Variants in RFX3 observed in about 807,000 individuals in gnomAD.
RFX3 encodes the protein regulatory factor X3.
A neutral mutation model predicts 98.6 loss-of-function variants in RFX3; 14 were observed. The observed-to-expected ratio is 0.14, with a 90% CI of 0.09 to 0.22. RFX3 has a LOEUF of 0.22. Among genes scored for constraint, RFX3 ranks in the 10% least tolerant of loss-of-function variants. RFX3 has a pLI of 1.00. For missense variants in RFX3, 639 were observed against 926.9 expected (o/e 0.69, Z 4.03); for synonymous variants, 383 against 328.4 (o/e 1.17, Z -1.80).
At chr9:3,467,473 A>G (rs1848414622) in intron 1 of RFX3, among the ~76,000 whole-genome samples, 1 of 151,846 alleles carries the variant, frequency 6.6e-6, no homozygotes. Flanking sequence ...TAAAACCTAC[A>G]TAAAGATAAA....
chr9:3,413,418 A>C (rs1172685912), intron 1 of RFX3, among the ~76,000 whole-genome samples: 1 of 152,114 alleles, frequency 6.6e-6, no homozygotes, highest in Non-Finnish European at 1.5e-5. Flanking sequence ...TTTTAGGAAC[A>C]TCATACTATA....
intron 1 of RFX3, among the ~76,000 whole-genome samples, chr9:3,415,600 C>T (rs1020304827): frequency 1.3e-5 from 2 of 152,266 alleles, no homozygotes; most frequent in African/African-American, 2.4e-5. Context: ...TCTTTCTTCT[C>T]TCCTCAACAA....
At chr9:3,522,883 A>T (rs911295965) in intron 1 of RFX3, among the ~76,000 whole-genome samples, 15 of 152,206 alleles carry the variant, frequency 9.9e-5, no homozygotes, top group Non-Finnish European at 1.2e-4. Context: ...TTTAGGGTAA[A>T]ATAAACTGTT....
chr9:3,359,368 T>C (rs1358125219), intron 2 of RFX3, among the ~76,000 whole-genome samples: 1 of 152,118 alleles, frequency 6.6e-6, no homozygotes, highest in Non-Finnish European at 1.5e-5. Context: ...GTTGTTATTG[T>C]TGCTGTTTAG....
chr9:3,283,971 A>C (rs1586874250), intron 7 of RFX3, among the ~76,000 whole-genome samples: 1 of 151,788 alleles, frequency 6.6e-6, no homozygotes, highest in East Asian at 1.9e-4. Flanking sequence ...TTTAACCTTT[A>C]TGGACTTCGG....
chr9:3,512,673 A>G (rs976999266), intron 1 of RFX3, among the ~76,000 whole-genome samples: 3 of 152,036 alleles, frequency 2.0e-5, no homozygotes, highest in Non-Finnish European at 2.9e-5. Context: ...TGTTATAAAA[A>G]TTTCCAACAA....
chr9:3,457,994 T>A (rs944005803), intron 1 of RFX3, among the ~76,000 whole-genome samples: 1 of 152,090 alleles, frequency 6.6e-6, no homozygotes, highest in Non-Finnish European at 1.5e-5. Flanking sequence ...GCTGCTTAAG[T>A]CTTCATCAAG....
chr9:3,402,457 A>G (rs940919870), intron 1 of RFX3, among the ~76,000 whole-genome samples: 1 of 152,094 alleles, frequency 6.6e-6, no homozygotes, highest in African/African-American at 2.4e-5. Flanking sequence ...TAGTTACTTA[A>G]TGGGTATAGT....
rs141753165 is a variant in RFX3 at position 3,522,609 on chromosome 9, T to G, written c.-9+3138A>C. On this transcript the variant is annotated intron_variant, in intron 1 of 16. Transcript: ENST00000617270. ...TGTGTAACTTTTGCCACACATCTGCTGCTATGCCCACCCATTTAAACACAA... is the reference window on the plus strand; with the variant it reads ...TGTGTAACTTTTGCCACACATCTGCGGCTATGCCCACCCATTTAAACACAA... Among the ~76,000 whole-genome samples, 534 of 151,532 alleles carry G rather than the reference T, an allele frequency of 3.5e-3. 2 individuals are homozygous for G. The highest frequency in any genetic ancestry group is 6.3e-3 in the Non-Finnish European group (427 of 67,806).
chr9:3,497,588 T>C (rs1385859450), intron 1 of RFX3, among the ~76,000 whole-genome samples: 2 of 151,870 alleles, frequency 1.3e-5, no homozygotes. Flanking sequence ...TAGTATGATA[T>C]CAGATGGGTG....
At chr9:3,300,892 T>C (rs1195627996) in intron 5 of RFX3, among the ~76,000 whole-genome samples, 3 of 151,932 alleles carry the variant, frequency 2.0e-5, no homozygotes, top group East Asian at 1.9e-4. Flanking sequence ...ACCAGTGTCA[T>C]AGTGATATCT....
chr9:3,257,831 A>T (rs1586768015), intron 13 of RFX3, among the ~76,000 whole-genome samples: 1 of 152,320 alleles, frequency 6.6e-6, no homozygotes. Flanking sequence ...CAATAACAAC[A>T]ACAACAAAAA....
chr9:3,525,503 G>C (rs1266503388), intron 1 of RFX3, among the ~76,000 whole-genome samples: 2 of 151,812 alleles, frequency 1.3e-5, no homozygotes, highest in Non-Finnish European at 2.9e-5. Flanking sequence ...GCGCAGGGCC[G>C]GGGCCGGCGG....
intron 1 of RFX3, among the ~76,000 whole-genome samples, chr9:3,463,311 T>C (rs1182808911): frequency 6.6e-6 from 1 of 152,016 alleles, no homozygotes; most frequent in Non-Finnish European, 1.5e-5. Context: ...ACTGGAACAA[T>C]CACATACCCA....
chr9:3,395,198 T>G (rs140996750), intron 2 of RFX3, among the ~76,000 whole-genome samples: 95 of 152,286 alleles, frequency 6.2e-4, no homozygotes, highest in African/African-American at 2.2e-3. Context: ...AGTGGTCATA[T>G]CAGAAAAAAT....
chr9:3,496,258 TAGTA>T (rs930171526), intron 1 of RFX3, among the ~76,000 whole-genome samples: 37 of 152,148 alleles, frequency 2.4e-4, no homozygotes, highest in Admixed American at 1.6e-3. Context: ...TTGTGCAAAG[TAGTA>T]AGTATTTCAT....
chr9:3,473,490 G>T (rs760461748), intron 1 of RFX3, among the ~76,000 whole-genome samples: 10 of 152,130 alleles, frequency 6.6e-5, no homozygotes, highest in Non-Finnish European at 1.0e-4. Flanking sequence ...ATGGATCCAA[G>T]AAATATATAA....
chr9:3,245,390 G>A (rs923002455), intron 15 of RFX3, among the ~76,000 whole-genome samples: 3 of 152,160 alleles, frequency 2.0e-5, no homozygotes, highest in African/African-American at 7.2e-5. Context: ...GTAGGAAGTG[G>A]GAGGCTGATG....
rs1177381806 is a variant in RFX3 at position 3,365,295 on chromosome 9, C to CAA, written c.118-18533_118-18532dup. On this transcript the variant is annotated intron_variant, in intron 2 of 16. Coordinates refer to ENST00000617270, the MANE Select transcript of RFX3 (RefSeq NM_001282116.2). The stretch of plus-strand genomic sequence containing the variant: ...AGCCTGGTGACAGAGAGACTCATCT[C>CAA]AAAAAAAAAAAAAAAAAAAGTAACA... 1.2e-3 allele frequency among the ~76,000 whole-genome samples: 75 copies of CAA among 62,460 alleles called. 1 individual carries two copies. The highest frequency in any genetic ancestry group is 3.3e-3 in the African/African-American group (72 of 22,100). 41.0% of individuals were successfully genotyped at this position (62,460 alleles called of 152,430 possible).
Sources: allele counts gnomAD v4.1 joint callset (sites outside exome capture counted in the v4.1 genomes callset), GRCh38; gene constraint gnomAD v4.1.1; transcripts MANE v1.5; gene names NCBI Gene and HGNC (gene_info 2026-07-23, HGNC 2026-07-21).